The following PTPRK variants were observed in gnomAD, a reference collection of about 807,000 sequenced individuals.
The protein encoded by PTPRK is protein tyrosine phosphatase receptor type K.
In PTPRK, 75 loss-of-function variants were observed where a neutral mutation model predicts 178.0. That is an observed-to-expected ratio of 0.42 (90% CI 0.35 to 0.51). The LOEUF (loss-of-function observed/expected upper bound fraction) is 0.51. Ranked by LOEUF, PTPRK falls within the 20% of genes least tolerant of loss-of-function variation. The probability of loss-of-function intolerance (pLI) is 0.02; values close to 1 mark genes in which losing one functional copy is unlikely to be tolerated. For missense variants in PTPRK, 1,441 were observed against 1,797.8 expected (o/e 0.80, Z 3.59); for synonymous variants, 637 against 620.6 (o/e 1.03, Z -0.39).
chr6:128,450,850 T>TATACTTTC (rs1284940350), intron 1 of PTPRK, among the ~76,000 whole-genome samples: 1 of 152,222 alleles, frequency 6.6e-6, no homozygotes, highest in East Asian at 1.9e-4. Context: ...AGCATTTCTG[T>TATACTTTC]TGCATATCAA....
At chr6:128,259,036 A>T (rs1377435903) in intron 3 of PTPRK, among the ~76,000 whole-genome samples, 1 of 152,086 alleles carries the variant, frequency 6.6e-6, no homozygotes, top group South Asian at 2.1e-4. Context: ...TGTGAGGAGA[A>T]GAGCCTCAGA....
At position 128,041,254 on chromosome 6, in the gene PTPRK, C is replaced by T. The variant is rs1182789370; in HGVS notation, c.2194+23504G>A. Among the ~76,000 whole-genome samples, 3 of 152,016 alleles carry T rather than the reference C, an allele frequency of 2.0e-5. No individual in the cohort carries two copies. The East Asian group carries it at 5.8e-4, about 29-fold the overall frequency. ...TTCTATCTTTCCCTCCTATGAATCA[C>T]ACATAGTGGTCACCATTCATTCAAG... On this transcript the variant is annotated intron_variant, in intron 13 of 29. Transcript: ENST00000368226.
chr6:128,329,553 A>G (rs1260392073), intron 2 of PTPRK, among the ~76,000 whole-genome samples: 1 of 152,136 alleles, frequency 6.6e-6, no homozygotes, highest in East Asian at 1.9e-4. Flanking sequence ...GTTCAAGTCC[A>G]AGTCTGAGTC....
chr6:128,358,993 C>T (rs936015284), intron 2 of PTPRK, among the ~76,000 whole-genome samples: 1 of 152,142 alleles, frequency 6.6e-6, no homozygotes, highest in African/African-American at 2.4e-5. Context: ...TTATTGCTCC[C>T]GGTTTCTATC....
intron 22 of PTPRK, among the ~76,000 whole-genome samples, chr6:127,984,633 T>G (rs546567769): frequency 2.0e-4 from 30 of 152,178 alleles, no homozygotes; most frequent in Non-Finnish European, 1.0e-4. Context: ...TTATCTCATT[T>G]TCTAAGTGCT....
In PTPRK at chr6:128,300,923, C is replaced by T. The variant is rs1825497500; in HGVS notation, c.495+21116G>A. Among the ~76,000 whole-genome samples, 3 of 151,864 alleles carry T rather than the reference C, an allele frequency of 2.0e-5. No individual in the cohort carries two copies. In the South Asian group the frequency reaches 6.2e-4, roughly 32 times the overall value. ...TACCTCCCAGATTTCAACATACACA[C>T]CCCACCCCCACCACACTGCTCTATC... On this transcript the variant is annotated intron_variant, in intron 3 of 29. Transcript: ENST00000368226.
intron 2 of PTPRK, 74 bp from the exon 3 acceptor site, chr6:128,322,384 TA>T (rs1203302214): frequency 1.5e-6 from 2 of 1,364,360 alleles, no homozygotes; most frequent in African/African-American, 2.9e-5. Flanking sequence ...AAAAATATGC[TA>T]ATCCATTCTG....
intron 2 of PTPRK, among the ~76,000 whole-genome samples, chr6:128,371,767 G>T (rs192862425): frequency 3.3e-5 from 5 of 152,100 alleles, no homozygotes; most frequent in Admixed American, 3.3e-4. Context: ...TCCAGCTACT[G>T]GGGGAAGGGG....
intron 13 of PTPRK, among the ~76,000 whole-genome samples, chr6:128,049,566 C>G (rs1023878591): frequency 1.3e-5 from 2 of 151,538 alleles, no homozygotes. Flanking sequence ...AATTGAAATG[C>G]CTCTTTTGTT....
At chr6:128,231,939 T>A (rs1812370157) in intron 5 of PTPRK, among the ~76,000 whole-genome samples, 1 of 152,220 alleles carries the variant, frequency 6.6e-6, no homozygotes, top group South Asian at 2.1e-4. Context: ...ATTTGTCCTC[T>A]CCTTTGCTAC....
chr6:127,978,763 C>T (rs1774909186), intron 25 of PTPRK, among the ~76,000 whole-genome samples: 1 of 152,110 alleles, frequency 6.6e-6, no homozygotes, highest in South Asian at 2.1e-4. Context: ...ACTTCCTATT[C>T]TTTTTCCCTC....
At chr6:128,170,187 T>A (rs984289353) in intron 7 of PTPRK, among the ~76,000 whole-genome samples, 1 of 152,062 alleles carries the variant, frequency 6.6e-6, no homozygotes, top group African/African-American at 2.4e-5. Flanking sequence ...CCAAGGCAGA[T>A]CCTGAATACT....
chr6:128,477,636 C>G (rs537809249), intron 1 of PTPRK, among the ~76,000 whole-genome samples: 30 of 152,192 alleles, frequency 2.0e-4, no homozygotes, highest in African/African-American at 7.2e-4. Flanking sequence ...CAAGTTTCAA[C>G]TAATAGTATT....
At chr6:128,428,086 C>T (rs934445179) in intron 1 of PTPRK, among the ~76,000 whole-genome samples, 3 of 151,456 alleles carry the variant, frequency 2.0e-5, no homozygotes, top group Non-Finnish European at 2.9e-5. Context: ...AGAGAGACTC[C>T]GTCTCGAAAA....
intron 7 of PTPRK, among the ~76,000 whole-genome samples, chr6:128,133,735 CT>C (rs752416269): frequency 2.0e-5 from 3 of 149,112 alleles, no homozygotes; most frequent in African/African-American, 7.4e-5. Flanking sequence ...TTTTTTTCCC[CT>C]GAGACAGGGT....
intron 1 of PTPRK, among the ~76,000 whole-genome samples, chr6:128,468,513 C>G (rs928059884): frequency 6.6e-6 from 1 of 152,074 alleles, no homozygotes. Flanking sequence ...TCTACTTGGA[C>G]TTTTTCTGTT....
In PTPRK at chr6:128,489,806, A is replaced by T. The variant is rs368731529; in HGVS notation, c.100+30453T>A. On this transcript the variant is annotated intron_variant, in intron 1 of 29. Transcript: ENST00000368226. ...AAATGTTTAATGAGCTCAGAAATAA[A>T]CTTTTTATAATTTCCCAGATCAACC... 6.5e-4 allele frequency among the ~76,000 whole-genome samples: 99 copies of T among 152,278 alleles called. 3 individuals carry two copies. The South Asian group carries it at 0.019, about 30-fold the overall frequency.
intron 1 of PTPRK, among the ~76,000 whole-genome samples, chr6:128,500,368 G>T (rs1472182642): frequency 4.6e-5 from 7 of 151,966 alleles, no homozygotes; most frequent in Non-Finnish European, 1.0e-4. Context: ...AAATTTGGGG[G>T]GGGGAGTCTC....
At chr6:128,244,323 A>G (rs1005282376) in intron 3 of PTPRK, among the ~76,000 whole-genome samples, 3 of 152,222 alleles carry the variant, frequency 2.0e-5, no homozygotes, top group Admixed American at 2.0e-4. Flanking sequence ...AGATAACTCC[A>G]TGGAAGGGAA....
Sources: allele counts gnomAD v4.1 joint callset (sites outside exome capture counted in the v4.1 genomes callset), GRCh38; gene constraint gnomAD v4.1.1; transcripts MANE v1.5; gene names NCBI Gene and HGNC (gene_info 2026-07-23, HGNC 2026-07-21).